The following TAF6 variants were observed in gnomAD, a reference collection of about 807,000 sequenced individuals.
TAF6 encodes TATA-box binding protein associated factor 6, also known as transcription initiation factor TFIID subunit 6.
Under a neutral mutation model 73.5 loss-of-function variants are expected in TAF6, and 50 were observed. That is an observed-to-expected ratio of 0.68 (90% CI 0.54 to 0.86). The LOEUF (loss-of-function observed/expected upper bound fraction) is 0.86, where lower values mean the gene tolerates loss of function less well. Ranked by LOEUF, TAF6 falls within the 40% of genes least tolerant of loss-of-function variation. The pLI is 0.00. For missense variants in TAF6, 768 were observed against 899.5 expected, an observed-to-expected ratio of 0.85 and a Z score of 1.87; for synonymous variants, 424 against 376.7, an observed-to-expected ratio of 1.13 and a Z score of -1.45.
At position 100,114,142 on chromosome 7, in the gene TAF6, G is replaced by T. The variant is rs1797470295; in HGVS notation, c.68C>A (p.Ala23Asp). 6.2e-7 allele frequency: 1 copy of T among 1,614,134 alleles called. No homozygotes were observed. Among genetic ancestry groups the T allele is most frequent in the Admixed American group, 1.7e-5 (1 of 60,006 alleles). Residue 23 changes from alanine to aspartate, a missense_variant, in exon 2 of 15, where the codon GCT becomes GAT. By Grantham distance (126) the Ala-to-Asp change is moderately radical. This residue lies in a region of TAF6 where 269 missense variants were observed against 268.0 expected (regional missense o/e 1.00). Transcript: ENST00000453269. ...AATCTGGGCGATGCCCATGGATTCA[G>T]CCACCACCTTCATGGACTCCGAGGG... ...VLPSESMKVV[A>D]ESMGIAQIQE...
intron 1 of TAF6, 88 bp downstream of exon 1, chr7:100,119,116 G>T: frequency 5.1e-6 from 5 of 986,438 alleles, no homozygotes; most frequent in Non-Finnish European, 6.0e-6. Context: ...CGCGAAAGGA[G>T]GTTCAGAGAG....
At chr7:100,120,020 C>G (rs1408065688), upstream of TAF6, 3 of 609,188 alleles carry the variant, frequency 4.9e-6, no homozygotes, top group African/African-American at 3.8e-5. Flanking sequence ...GTCAAGGAAG[C>G]GAACGTGTAG....
upstream of TAF6, chr7:100,122,840 G>A (rs770694219): frequency 1.2e-6 from 2 of 1,613,944 alleles, no homozygotes; most frequent in Admixed American, 3.3e-5. Flanking sequence ...GGGTGAAGGT[G>A]GATCTGGGGA....
At chr7:100,122,108 C>A, upstream of TAF6, 2 of 811,030 alleles carry the variant, frequency 2.5e-6, no homozygotes, top group Non-Finnish European at 1.9e-6. Flanking sequence ...GATTGCCACA[C>A]AGCTGCTAAA....
intron 1 of TAF6, among the ~76,000 whole-genome samples, chr7:100,114,921 G>A (rs1797550287): frequency 6.6e-6 from 1 of 152,130 alleles, no homozygotes; most frequent in African/African-American, 2.4e-5. Flanking sequence ...AGGCAGAGGT[G>A]GGAAAACTGA....
At chr7:100,121,286 C>CCGCCA (rs890006460), upstream of TAF6, 1 of 149,216 alleles carries the variant, frequency 6.7e-6, no homozygotes, top group Non-Finnish European at 1.5e-5. Context: ...TTACAGGCGC[C>CCGCCA]CGCCACCATG....
At chr7:100,115,184 C>T (rs1248671978) in intron 1 of TAF6, 9 of 152,166 alleles carry the variant, frequency 5.9e-5, no homozygotes, top group East Asian at 1.9e-4. Context: ...TTTTCTGTTA[C>T]ACCTCAGGGC....
At chr7:100,109,042 G>T (rs1278638027) in intron 12 of TAF6, 1 of 152,086 alleles carries the variant, frequency 6.6e-6, no homozygotes, top group Non-Finnish European at 1.5e-5. Context: ...AAAAAGAATG[G>T]CTGGGTGTGG....
intron 9 of TAF6, among the ~76,000 whole-genome samples, 194 bp downstream of exon 9, chr7:100,111,534 A>AT (rs113466818): frequency 1.8e-3 from 274 of 151,886 alleles, no homozygotes; most frequent in African/African-American, 6.2e-3. Flanking sequence ...GTTTTGGTTA[A>AT]TTTTTTTTGT....
rs573365265 is a variant in TAF6 at position 100,112,241 on chromosome 7, T to G, written c.587A>C (p.Lys196Thr). The G allele has an allele frequency of 2.7e-5, 44 of 1,613,068 alleles. No homozygotes were observed. Among genetic ancestry groups the G allele is most frequent in the South Asian group, 1.3e-4 (12 of 91,006 alleles). Residue 196 changes from lysine to threonine, a missense_variant, in exon 7 of 15, where the codon AAG (lysine) becomes ACG (threonine). Physicochemically the swap from Lys to Thr is moderately conservative, Grantham distance 78 (BLOSUM62 -1). This residue lies in a region of TAF6 where 269 missense variants were observed against 268.0 expected (regional missense o/e 1.00). Transcript: ENST00000453269. ...GGCCCCCTCCAGCAAGGGCGGCGCC[T>G]TCTTCTCTTTCCCTGTGTGATTGGA... Reference protein sequence around the residue: ...TTADGKGKEKKAPPLLEGAPL... With the variant: ...TTADGKGKEKTAPPLLEGAPL...
At chr7:100,113,844 C>CG in intron 3 of TAF6, 24 bp downstream of exon 3, 1 of 1,612,676 alleles carries the variant, frequency 6.2e-7, no homozygotes, top group African/African-American at 1.3e-5. Context: ...TCTCACCCCC[C>CG]CCCCGCCTGT....
At position 100,107,388 on chromosome 7, in the gene TAF6, G is replaced by C. The variant is rs148250440; in HGVS notation, c.1892C>G (p.Pro631Arg). 6.3e-7 allele frequency: 1 copy of C among 1,596,356 alleles called. No homozygotes were observed. The change falls in exon 15 of 15, where the codon CCG becomes CGG. Residue 631 changes from proline to arginine, a missense_variant. Around this residue, in one of 5 missense-constraint regions of TAF6, gnomAD observed 350 missense variants for 352.3 expected, o/e 0.99. Transcript: ENST00000453269. ...GCTGAGTGGGGACGGGGACGATGCC[G>C]GGGGAGGAACTGGAGAAGGATGGGA... ...PTSHPSPVPP[P>R]ASSPSPLSGS...
In TAF6 at chr7:100,119,321, C is replaced by G; in HGVS notation, c.-177G>C. Reference sequence around the variant, plus strand: ...GAAAACTCTAGCGGCAGCCGAGACGCTGCTCACCCGGCGCTCGGCGCCATC... The same window carrying G: ...GAAAACTCTAGCGGCAGCCGAGACGGTGCTCACCCGGCGCTCGGCGCCATC... On this transcript the variant is annotated 5_prime_UTR_variant, in exon 1 of 15. Transcript: ENST00000453269. The G allele has an allele frequency of 9.7e-7, 1 of 1,035,094 alleles. No homozygotes were observed. Among genetic ancestry groups the G allele is most frequent in the Non-Finnish European group, 1.2e-6 (1 of 859,570 alleles). 64.1% of individuals were successfully genotyped at this position (1,035,094 alleles called of 1,614,324 possible).
Position 100,107,326 on chromosome 7 carries a change from C to A in TAF6, c.1954G>T (p.Asp652Tyr). ...ALCGGKQEAG[D>Y]SPPPAPGTPK... Reference sequence around the variant, plus strand: ...GTCCCTGGAGCTGGAGGGGGACTGTCCCCAGCCTCCTGCTTCCCCCCACAA... The same window carrying A: ...GTCCCTGGAGCTGGAGGGGGACTGTACCCAGCCTCCTGCTTCCCCCCACAA... Residue 652 changes from aspartate to tyrosine, a missense_variant, in exon 15 of 15, where the codon GAC becomes TAC. By Grantham distance (160) the Asp-to-Tyr change is radical. Transcript: ENST00000453269. The A allele has an allele frequency of 6.5e-7, 1 of 1,542,596 alleles. No individual in the cohort carries two copies. Among genetic ancestry groups the A allele is most frequent in the Non-Finnish European group, 8.7e-7 (1 of 1,143,950 alleles).
At chr7:100,122,867 G>C (rs1420300993), upstream of TAF6, 1 of 1,613,680 alleles carries the variant, frequency 6.2e-7, no homozygotes, top group Non-Finnish European at 8.5e-7. Flanking sequence ...TGGAGCTTTG[G>C]GATGAGCCCA....
chr7:100,111,902 G>A lies in TAF6; in HGVS notation c.798+20C>T. The A allele has an allele frequency of 6.2e-7, 1 of 1,614,162 alleles. No individual in the cohort carries two copies. Among genetic ancestry groups the A allele is most frequent in the Non-Finnish European group, 8.5e-7 (1 of 1,180,000 alleles). The stretch of plus-strand genomic sequence containing the variant: ...GAGCTTCCACTGCCGTCCCTGCACT[G>A]TGGAACCTCATGCTCTCACCCCCTC... On this transcript the variant is annotated intron_variant, in intron 8 of 14. Transcript: ENST00000453269.
chr7:100,108,712 T>C, intron 12 of TAF6, 172 bp from the exon 13 acceptor site: 1 of 623,886 alleles, frequency 1.6e-6, no homozygotes, highest in Non-Finnish European at 2.7e-6. Flanking sequence ...TTAGTGTGTG[T>C]ACAGAACACT....
rs368611156 is a variant in TAF6 at position 100,113,713 on chromosome 7, C to T, written c.300G>A (p.Gly100=). 5.6e-6 allele frequency: 9 copies of T among 1,613,980 alleles called. No homozygotes were observed. The highest frequency in any genetic ancestry group is 7.6e-6 in the Non-Finnish European group (9 of 1,180,028). Residue 100 remains glycine, a synonymous_variant, in exon 4 of 15, where the codon GGG becomes GGA. Coordinates refer to ENST00000453269, the MANE Select transcript of TAF6 (RefSeq NM_139315.3). ...CCTCATAGAAGTAAAGCTCCCGGCC[C>T]CCACCAGAGGCGAAGCGGAAAGGAA... is the stretch of plus-strand genomic sequence containing the variant. ...EFIPFRFASG[G]GRELYFYEEK...
intron 1 of TAF6, 22 bp downstream of exon 1, chr7:100,119,182 C>T (rs917489686): frequency 1.6e-5 from 16 of 988,304 alleles, no homozygotes; most frequent in African/African-American, 3.5e-5. Context: ...GGGGTCCCCA[C>T]GAGCACAGAC....
Sources: allele counts gnomAD v4.1 joint callset (sites outside exome capture counted in the v4.1 genomes callset), GRCh38; gene constraint gnomAD v4.1.1; regional missense constraint gnomAD v4.1.1; transcripts MANE v1.5; gene names NCBI Gene and HGNC (gene_info 2026-07-23, HGNC 2026-07-21).